Variants in NR6A1 observed in about 807,000 individuals in gnomAD.
The protein encoded by NR6A1 is retinoic acid receptor-related testis-associated receptor.
NR6A1 carries 7 observed loss-of-function variants against 59.1 expected under a neutral mutation model. That is an observed-to-expected ratio of 0.12 (90% CI 0.07 to 0.22). NR6A1 has a LOEUF of 0.22. NR6A1 is among the 10% of genes least tolerant of loss of function. The pLI is 1.00. For missense variants in NR6A1, 468 were observed against 611.6 expected (o/e 0.77, Z 2.48); for synonymous variants, 243 against 236.1 (o/e 1.03, Z -0.27).
At chr9:124,756,947 T>C (rs1840649250) in intron 1 of NR6A1, among the ~76,000 whole-genome samples, 1 of 146,838 alleles carries the variant, frequency 6.8e-6, no homozygotes, top group Non-Finnish European at 1.5e-5. Flanking sequence ...CTGGAGATGC[T>C]AGGATGAGGG....
chr9:124,633,720 T>C (rs149764763), intron 2 of NR6A1, among the ~76,000 whole-genome samples: 289 of 152,236 alleles, frequency 1.9e-3, no homozygotes, highest in African/African-American at 6.4e-3. Context: ...AAAGCTCCAA[T>C]TGCCCCAGAC....
At chr9:124,569,400 A>G (rs1462064611) in intron 2 of NR6A1, among the ~76,000 whole-genome samples, 5 of 152,240 alleles carry the variant, frequency 3.3e-5, no homozygotes, top group Admixed American at 6.5e-5. Flanking sequence ...TACCCATTCC[A>G]AGGGCTCAGG....
intron 2 of NR6A1, among the ~76,000 whole-genome samples, chr9:124,722,978 C>T (rs1386724052): frequency 6.6e-6 from 1 of 152,058 alleles, no homozygotes; most frequent in African/African-American, 2.4e-5. Flanking sequence ...AGGTGTGACC[C>T]ACCACACCCA....
At chr9:124,668,030 C>A (rs747397609) in intron 2 of NR6A1, among the ~76,000 whole-genome samples, 99 of 152,070 alleles carry the variant, frequency 6.5e-4, no homozygotes, top group Non-Finnish European at 1.2e-3. Flanking sequence ...CCCATGCAGT[C>A]AAAAATCCAT....
At chr9:124,547,492 C>T (rs781048264) in intron 3 of NR6A1, among the ~76,000 whole-genome samples, 3 of 152,160 alleles carry the variant, frequency 2.0e-5, no homozygotes, top group Non-Finnish European at 4.4e-5. Flanking sequence ...ATAGTTCTGT[C>T]TCTGCATATG....
At chr9:124,592,208 T>C (rs1389594407) in intron 2 of NR6A1, among the ~76,000 whole-genome samples, 1 of 152,180 alleles carries the variant, frequency 6.6e-6, no homozygotes, top group Admixed American at 6.5e-5. Flanking sequence ...CCCAACCTCA[T>C]CTTGAACCCT....
chr9:124,646,275 C>G (rs1454689703), intron 2 of NR6A1, among the ~76,000 whole-genome samples: 1 of 151,792 alleles, frequency 6.6e-6, no homozygotes, highest in Non-Finnish European at 1.5e-5. Flanking sequence ...AAATTAAGAA[C>G]AGGGAAGCAA....
intron 2 of NR6A1, among the ~76,000 whole-genome samples, chr9:124,568,146 C>T (rs1834324626): frequency 8.7e-6 from 1 of 114,916 alleles, no homozygotes; most frequent in African/African-American, 3.4e-5. Flanking sequence ...TGCACTCTAG[C>T]CTGGCAGAGC....
intron 1 of NR6A1, among the ~76,000 whole-genome samples, chr9:124,736,264 G>C (rs1564260230): frequency 6.6e-6 from 1 of 152,106 alleles, no homozygotes; most frequent in African/African-American, 2.4e-5. Flanking sequence ...CTCAAAAAAG[G>C]ACAAAGCCTA....
At chr9:124,554,982 A>G (rs747906231) in intron 2 of NR6A1, among the ~76,000 whole-genome samples, 1 of 152,182 alleles carries the variant, frequency 6.6e-6, no homozygotes, top group East Asian at 1.9e-4. Context: ...AGTTCTAACC[A>G]TACCGAGCTA....
At chr9:124,733,101 CAGAT>C (rs1293788730) in intron 2 of NR6A1, among the ~76,000 whole-genome samples, 2 of 152,146 alleles carry the variant, frequency 1.3e-5, no homozygotes, top group Non-Finnish European at 1.5e-5. Flanking sequence ...TTCTATTAAA[CAGAT>C]AGATCCTGGC....
At chr9:124,533,839 C>T (rs1192224233) in intron 7 of NR6A1, among the ~76,000 whole-genome samples, 2 of 151,796 alleles carry the variant, frequency 1.3e-5, no homozygotes, top group Non-Finnish European at 2.9e-5. Flanking sequence ...TTAGTAGAGA[C>T]GGGGTTTCAC....
At chr9:124,627,039 T>C (rs1836264484) in intron 2 of NR6A1, among the ~76,000 whole-genome samples, 1 of 152,222 alleles carries the variant, frequency 6.6e-6, no homozygotes, top group Non-Finnish European at 1.5e-5. Context: ...ATGAATGTTG[T>C]TCTATTTAGA....
intron 2 of NR6A1, among the ~76,000 whole-genome samples, chr9:124,705,777 C>A (rs532948252): frequency 7.0e-4 from 90 of 127,788 alleles, no homozygotes; most frequent in African/African-American, 2.3e-3. Context: ...CCATTTCAAT[C>A]CCCCCTTTTT....
intron 2 of NR6A1, among the ~76,000 whole-genome samples, chr9:124,716,155 T>C (rs1284857658): frequency 6.6e-6 from 1 of 152,064 alleles, no homozygotes; most frequent in Non-Finnish European, 1.5e-5. Context: ...CAGTGGGCCA[T>C]GGTCATGCTA....
intron 2 of NR6A1, among the ~76,000 whole-genome samples, chr9:124,649,111 A>C (rs1315305030): frequency 2.0e-5 from 3 of 152,002 alleles, no homozygotes; most frequent in Non-Finnish European, 2.9e-5. Flanking sequence ...ATTCATATGA[A>C]ACCTCAAAAG....
At chr9:124,758,165 T>C (rs185524827) in intron 1 of NR6A1, among the ~76,000 whole-genome samples, 18 of 112,602 alleles carry the variant, frequency 1.6e-4, no homozygotes, top group Admixed American at 2.1e-4. Flanking sequence ...CATTAGGTGA[T>C]TGATTAAGTT....
chr9:124,598,787 G>A, intron 2 of NR6A1: 2 of 915,454 alleles, frequency 2.2e-6, no homozygotes, highest in East Asian at 2.9e-5. Flanking sequence ...CCACTTTTTC[G>A]GCATGATCGC....
At chr9:124,665,006 T>A (rs1229004648) in intron 2 of NR6A1, among the ~76,000 whole-genome samples, 1 of 78,210 alleles carries the variant, frequency 1.3e-5, no homozygotes, top group African/African-American at 5.8e-5. Flanking sequence ...GATCCTTGTA[T>A]CTCCAAAAAA....
Sources: gnomAD v4.1 joint callset for allele counts (sites outside exome capture counted in the v4.1 genomes callset) on GRCh38, gnomAD v4.1.1 for gene constraint, MANE v1.5 for transcripts, NCBI Gene and HGNC (gene_info 2026-07-23, HGNC 2026-07-21) for gene names.